The following SEC14L5 variants were observed in gnomAD, a reference collection of about 807,000 sequenced individuals.
SEC14L5 encodes SEC14-like protein 5.
Under a neutral mutation model 84.6 loss-of-function variants are expected in SEC14L5, and 96 were observed. That is an observed-to-expected ratio of 1.13 (90% CI 0.96 to 1.34). SEC14L5 has a LOEUF of 1.34. SEC14L5 is among the 40% of genes most tolerant of loss of function. SEC14L5 has a pLI of 0.00. For synonymous variants in SEC14L5, 546 were observed against 383.4 expected (o/e 1.42, Z -4.95); for missense variants, 1,224 against 942.5 (o/e 1.30, Z -3.91).
In SEC14L5 at chr16:4,988,221, G is replaced by A. The variant is rs200389087; in HGVS notation, c.286G>A (p.Glu96Lys). 6 of 1,613,718 alleles carry A rather than the reference G, an allele frequency of 3.7e-6. No individual in the cohort carries two copies. The highest frequency in any genetic ancestry group is 4.2e-6 in the Non-Finnish European group (5 of 1,179,732). The change falls in exon 4 of 16, where the codon GAA becomes AAA. Residue 96 changes from glutamate to lysine, a missense_variant. Coordinates refer to ENST00000251170, the MANE Select transcript of SEC14L5 (RefSeq NM_014692.2). Reference sequence around the variant, plus strand: ...CTGGAAGGAGAGGACGCTCCTCATCGAAGCGCACAATGAGACCTTCGCCAA... The same window carrying A: ...CTGGAAGGAGAGGACGCTCCTCATCAAAGCGCACAATGAGACCTTCGCCAA... ...LNWKERTLLI[E>K]AHNETFANRV...
rs184500718 is a variant in SEC14L5, at chr16:5,016,370, G to C, written c.*1400G>C. ...TTTTAGTGTTGCTTTTTTGCCTTTA[G>C]AATGGTTTAAAAATTGAGGCATTTC... On this transcript the variant is annotated 3_prime_UTR_variant, in exon 16 of 16. Transcript: ENST00000251170. The C allele has an allele frequency of 2.0e-5, 3 of 152,276 alleles. No homozygotes were observed. The highest frequency in any genetic ancestry group is 2.0e-4 in the Admixed American group (3 of 15,300). 9.4% of individuals were successfully genotyped at this position (152,276 alleles called of 1,614,324 possible).
intron 2 of SEC14L5, among the ~76,000 whole-genome samples, chr16:4,978,664 G>A (rs918073702): frequency 1.6e-4 from 25 of 151,604 alleles, no homozygotes; most frequent in Admixed American, 2.6e-4. Context: ...GTGCAGTGGT[G>A]CAATCTGGGC....
intron 2 of SEC14L5, among the ~76,000 whole-genome samples, chr16:4,974,290 A>G (rs1596618133): frequency 6.6e-6 from 1 of 151,868 alleles, no homozygotes; most frequent in African/African-American, 2.4e-5. Flanking sequence ...ATCATAGCTC[A>G]CTGCAATCTC....
intron 13 of SEC14L5, among the ~76,000 whole-genome samples, chr16:5,007,844 G>A (rs541836622): frequency 2.0e-5 from 3 of 151,182 alleles, no homozygotes; most frequent in African/African-American, 7.3e-5. Flanking sequence ...GAGGTCAGGT[G>A]ATCCGCCCGC....
At chr16:5,014,715 A>G (rs1955851117) in intron 15 of SEC14L5, 144 bp from the exon 16 acceptor site, 2 of 627,470 alleles carry the variant, frequency 3.2e-6, no homozygotes, top group Non-Finnish European at 2.8e-6. Flanking sequence ...TTTTCTCTTC[A>G]TGGCGTCACT....
intron 12 of SEC14L5, among the ~76,000 whole-genome samples, chr16:5,007,067 G>A (rs1385802398): frequency 6.6e-6 from 1 of 152,162 alleles, no homozygotes; most frequent in Non-Finnish European, 1.5e-5. Flanking sequence ...GGGCTGTGAC[G>A]AACGTGGGTT....
intron 12 of SEC14L5, 33 bp downstream of exon 12, chr16:5,006,081 C>A (rs766311854): frequency 1.9e-6 from 3 of 1,608,484 alleles, no homozygotes; most frequent in East Asian, 4.5e-5. Flanking sequence ...CAGACCTGGG[C>A]TTGAGGAGGG....
intron 8 of SEC14L5, among the ~76,000 whole-genome samples, chr16:4,997,503 A>G (rs770198761): frequency 4.6e-5 from 7 of 152,210 alleles, no homozygotes; most frequent in Non-Finnish European, 7.3e-5. Flanking sequence ...CTAGCTAGGA[A>G]GAACCAGAGC....
Position 5,019,076 on chromosome 16 carries a change from C to T in SEC14L5, c.*4106C>T, listed in dbSNP as rs1167614192. ...AGACTTTAGAGCTAGCTTGTTCAGC[C>T]TGTGGCCTGCAGGCTGCACGCGGCC... On this transcript the variant is annotated 3_prime_UTR_variant, in exon 16 of 16. Transcript: ENST00000251170. 1 of 152,232 alleles carries T rather than the reference C, an allele frequency of 6.6e-6. No homozygotes were observed. The highest frequency in any genetic ancestry group is 1.9e-4 in the East Asian group (1 of 5,198). The allele number at this position is 152,232 out of a possible 1,614,324, so 9.4% of individuals were successfully genotyped here.
chr16:4,990,960 G>C (rs1955547096), intron 5 of SEC14L5, 65 bp downstream of exon 5: 2 of 1,388,142 alleles, frequency 1.4e-6, no homozygotes, highest in African/African-American at 1.5e-5. Context: ...ATCAACAGCT[G>C]CATGACCCCT....
chr16:4,995,903 G>A (rs976272589), intron 6 of SEC14L5, among the ~76,000 whole-genome samples: 7 of 152,106 alleles, frequency 4.6e-5, no homozygotes, highest in African/African-American at 1.7e-4. Context: ...TGGGATTACA[G>A]TCGTGAGCCA....
intron 2 of SEC14L5, among the ~76,000 whole-genome samples, chr16:4,962,592 A>G (rs1438886773): frequency 6.7e-6 from 1 of 149,366 alleles, no homozygotes; most frequent in Non-Finnish European, 1.5e-5. Flanking sequence ...GGAGGCTGAG[A>G]GAGGAGAATC....
At chr16:5,003,260 A>G (rs1596639897) in intron 10 of SEC14L5, 142 bp from the exon 11 acceptor site, 3 of 644,598 alleles carry the variant, frequency 4.7e-6, no homozygotes, top group Non-Finnish European at 5.4e-6. Flanking sequence ...TCTTCATCGC[A>G]TGGGCTCCCT....
chr16:4,998,118 G>A (rs1375859566), intron 8 of SEC14L5, among the ~76,000 whole-genome samples: 5 of 149,494 alleles, frequency 3.3e-5, no homozygotes, highest in Admixed American at 2.0e-4. Context: ...CGATTCTCCT[G>A]CGTCAGCCTC....
In SEC14L5 at chr16:4,959,278, G is replaced by T; in HGVS notation, c.-46G>T. The T allele has an allele frequency of 6.6e-7, 1 of 1,518,850 alleles. No homozygotes were observed. Among genetic ancestry groups the T allele is most frequent in the Non-Finnish European group, 9.1e-7 (1 of 1,093,158 alleles). 94.1% of individuals were successfully genotyped at this position (1,518,850 alleles called of 1,614,324 possible). A position where few individuals can be genotyped will look rare whatever the true frequency, so the allele number is the denominator to read the frequency against. ...CCAGTCACTCCTCGCCCCAGGCTCT[G>T]TGCACACCCCTGCCTGGTGACCTCC... On this transcript the variant is annotated 5_prime_UTR_variant, in exon 2 of 16. Coordinates refer to ENST00000251170, the MANE Select transcript of SEC14L5 (RefSeq NM_014692.2).
intron 11 of SEC14L5, among the ~76,000 whole-genome samples, chr16:5,004,779 C>G (rs1474493130): frequency 7.2e-5 from 11 of 152,254 alleles, no homozygotes; most frequent in Admixed American, 4.6e-4. Flanking sequence ...TTCTTTCTCT[C>G]TCTCCCACTT....
intron 10 of SEC14L5, among the ~76,000 whole-genome samples, chr16:5,002,872 G>A (rs1194347413): frequency 6.6e-6 from 1 of 152,164 alleles, no homozygotes; most frequent in African/African-American, 2.4e-5. Flanking sequence ...TTAGTAGTTA[G>A]CATCTTTTCA....
intron 2 of SEC14L5, among the ~76,000 whole-genome samples, chr16:4,964,543 C>T (rs1272048060): frequency 6.6e-6 from 1 of 152,010 alleles, no homozygotes; most frequent in Non-Finnish European, 1.5e-5. Flanking sequence ...GAGTTCGCTC[C>T]ATTGCACTCC....
intron 14 of SEC14L5, 192 bp from the exon 15 acceptor site, chr16:5,010,903 G>C: frequency 1.7e-6 from 1 of 588,168 alleles, no homozygotes; most frequent in South Asian, 2.4e-5. Flanking sequence ...CTGGTCCCAG[G>C]GATATGGGGA....
Sources: allele counts gnomAD v4.1 joint callset (sites outside exome capture counted in the v4.1 genomes callset), GRCh38; gene constraint gnomAD v4.1.1; transcripts MANE v1.5; gene names NCBI Gene and HGNC (gene_info 2026-07-23, HGNC 2026-07-21).